The following RAI1 variants were observed in gnomAD, a reference collection of about 807,000 sequenced individuals.
RAI1 encodes the protein retinoic acid induced 1, also known as retinoic acid-induced protein 1.
In RAI1, 9 loss-of-function variants were observed where a neutral mutation model predicts 123.8. The observed-to-expected ratio is 0.07, with a 90% CI of 0.04 to 0.13. RAI1 has a LOEUF of 0.13. Ranked by LOEUF, RAI1 falls within the 10% of genes least tolerant of loss-of-function variation. The pLI is 1.00. For synonymous variants in RAI1, 1,231 were observed against 1,127.3 expected (o/e 1.09, Z -1.84); for missense variants, 2,256 against 2,545.8 (o/e 0.89, Z 2.45).
chr17:17,783,925 C>T (rs1210064144), intron 2 of RAI1, among the ~76,000 whole-genome samples: 2 of 152,178 alleles, frequency 1.3e-5, no homozygotes, highest in South Asian at 2.1e-4. Context: ...CCCGCTTTCA[C>T]GTTGAGCAGA....
intron 2 of RAI1, among the ~76,000 whole-genome samples, chr17:17,749,113 GA>G (rs1163935758): frequency 6.6e-6 from 1 of 152,234 alleles, no homozygotes; most frequent in African/African-American, 2.4e-5. Flanking sequence ...CGTCCAGAAA[GA>G]GGCTGAATGG....
chr17:17,809,938 G>A lies in RAI1; in HGVS notation c.5710-32G>A, dbSNP rs1471579377. On this transcript the variant is annotated intron_variant, in intron 5 of 5. Coordinates refer to ENST00000353383, the MANE Select transcript of RAI1 (RefSeq NM_030665.4). This position sits in a 1 kb window ranked among gnomAD's most constrained non-coding sequence, Gnocchi z 4.9. The stretch of plus-strand genomic sequence containing the variant: ...CCTATGGACTGTGAAGTCCGAGGTC[G>A]TCGGTAACTGGCGGGCGGGCGTCTT... 6.4e-7 allele frequency: 1 copy of A among 1,560,126 alleles called. No individual in the cohort carries two copies. The highest frequency in any genetic ancestry group is 1.9e-5 in the Admixed American group (1 of 52,302).
chr17:17,767,575 T>C (rs2030987133), intron 2 of RAI1, among the ~76,000 whole-genome samples: 1 of 152,228 alleles, frequency 6.6e-6, no homozygotes, highest in Non-Finnish European at 1.5e-5. Flanking sequence ...GCCTTTTCCA[T>C]TGTGCTTCAG....
chr17:17,724,672 C>T (rs551055213), intron 2 of RAI1, among the ~76,000 whole-genome samples: 28 of 152,270 alleles, frequency 1.8e-4, no homozygotes, highest in African/African-American at 6.0e-4. Context: ...GATCCTGCTC[C>T]GGGCAACCGA....
Position 17,809,092 on chromosome 17 carries a change from AG to A in RAI1, c.5660-295del. ...TGGCTGGCAGAGTAAGGCGGGAGGGAGGGAGGGACTGAGGGACTGCCTCAAG... is the reference window on the plus strand; with the variant it reads ...TGGCTGGCAGAGTAAGGCGGGAGGGAGGAGGGACTGAGGGACTGCCTCAAG... On this transcript the variant is annotated intron_variant, in intron 4 of 5. Transcript: ENST00000353383. This position sits in a 1 kb window ranked among gnomAD's most constrained non-coding sequence, Gnocchi z 4.9. 1 of 473,188 alleles carries A rather than the reference AG, an allele frequency of 2.1e-6. No homozygotes were observed. The highest frequency in any genetic ancestry group is 3.9e-6 in the Non-Finnish European group (1 of 259,084). 29.3% of individuals were successfully genotyped at this position (473,188 alleles called of 1,614,324 possible).
intron 1 of RAI1, among the ~76,000 whole-genome samples, chr17:17,719,769 C>T (rs1915817591): frequency 6.6e-6 from 1 of 152,278 alleles, no homozygotes; most frequent in East Asian, 1.9e-4. Flanking sequence ...CTTTTGCCAC[C>T]TTCAAGTTAC....
chr17:17,810,853 C>A lies in RAI1; in HGVS notation c.*872C>A, dbSNP rs897990782. The A allele has an allele frequency of 1.8e-5, 8 of 450,162 alleles. No homozygotes were observed. The highest frequency in any genetic ancestry group is 3.6e-5 in the Non-Finnish European group (8 of 222,118). The allele number at this position is 450,162 out of a possible 1,614,324, so 27.9% of individuals were successfully genotyped here. A position where few individuals can be genotyped will look rare whatever the true frequency, so the allele number is the denominator to read the frequency against. ...GCACCACCAGGGACCGCCGCGCCTA[C>A]TCTGCACGGGAGCAGGGACAGCGCT... On this transcript the variant is annotated 3_prime_UTR_variant, in exon 6 of 6. Coordinates refer to ENST00000353383, the MANE Select transcript of RAI1 (RefSeq NM_030665.4). This position sits in a 1 kb window ranked among gnomAD's most constrained non-coding sequence, Gnocchi z 4.6.
rs765687947 is a variant in RAI1 at position 17,795,950 on chromosome 17, G to A, written c.3002G>A (p.Arg1001His). Residue 1001 changes from arginine to histidine, a missense_variant, in exon 3 of 6, where the codon CGT becomes CAT. Physicochemically the swap from Arg to His is conservative, Grantham distance 29 (BLOSUM62 0). Coordinates refer to ENST00000353383, the MANE Select transcript of RAI1 (RefSeq NM_030665.4). This position sits in a 1 kb window ranked among gnomAD's most constrained non-coding sequence, Gnocchi z 5.9. ...PVPRGKSLRS[R>H]RVHRGLPEAE... ...CCACGGGGCAAAAGCTTACGGAGCC[G>A]TCGGGTGCACCGGGGGCTGCCCGAG... 14 of 1,605,874 alleles carry A rather than the reference G, an allele frequency of 8.7e-6. 1 individual carries two copies. Among genetic ancestry groups the A allele is most frequent in the South Asian group, 4.4e-5 (4 of 90,616 alleles).
At chr17:17,716,148 C>A (rs1267412887) in intron 1 of RAI1, among the ~76,000 whole-genome samples, 1 of 152,192 alleles carries the variant, frequency 6.6e-6, no homozygotes, top group Non-Finnish European at 1.5e-5. Flanking sequence ...AGGAGAAGGC[C>A]TGGAAGGAGC....
intron 2 of RAI1, among the ~76,000 whole-genome samples, chr17:17,768,767 A>G (rs2142994523): frequency 6.6e-6 from 1 of 152,326 alleles, no homozygotes; most frequent in South Asian, 2.1e-4. Flanking sequence ...CTTGGAGTGC[A>G]TGGGAGGGGG....
At chr17:17,766,780 A>G (rs2030950729) in intron 2 of RAI1, among the ~76,000 whole-genome samples, 1 of 152,238 alleles carries the variant, frequency 6.6e-6, no homozygotes, top group Non-Finnish European at 1.5e-5. Flanking sequence ...TGCTCCAGGC[A>G]GCAGACAGCA....
chr17:17,738,381 G>A (rs984614168), intron 2 of RAI1, among the ~76,000 whole-genome samples: 3 of 148,858 alleles, frequency 2.0e-5, no homozygotes, highest in Non-Finnish European at 3.0e-5. Flanking sequence ...TGGGTGAGGC[G>A]GCTGGCCTGG....
rs1567932585 is a variant in RAI1 at position 17,800,196 on chromosome 17, C to CTG, written c.5565+1684_5565+1685insGT. ...TCTCTCTCTGTCTCTCTCTCTCTCT[C>CTG]TCTCTCTCTCTCTCTCTCTCTCTCT... On this transcript the variant is annotated intron_variant, in intron 3 of 5. Coordinates refer to ENST00000353383, the MANE Select transcript of RAI1 (RefSeq NM_030665.4). The surrounding 1 kb of genome is among the most constrained non-coding windows in gnomAD (Gnocchi z 4.7). 5.1e-4 allele frequency among the ~76,000 whole-genome samples: 66 copies of CTG among 129,342 alleles called. 1 individual carries two copies. Among genetic ancestry groups the CTG allele is most frequent in the African/African-American group, 1.4e-3 (45 of 32,438 alleles). The allele number at this position is 129,342 out of a possible 152,430, so 84.9% of individuals were successfully genotyped here.
intron 2 of RAI1, among the ~76,000 whole-genome samples, chr17:17,733,815 C>T (rs1301252717): frequency 1.3e-5 from 2 of 152,132 alleles, no homozygotes; most frequent in African/African-American, 4.8e-5. Flanking sequence ...AAAAGGGTCC[C>T]AGGAGAGCCA....
At chr17:17,682,761 T>C (rs978692237) in intron 1 of RAI1, among the ~76,000 whole-genome samples, 1 of 152,132 alleles carries the variant, frequency 6.6e-6, no homozygotes, top group Non-Finnish European at 1.5e-5. Flanking sequence ...AGCAGTTTTC[T>C]TTCTTGGGGC....
chr17:17,810,146 C>T lies in RAI1; in HGVS notation c.*165C>T, dbSNP rs2032702942. 1 of 1,015,718 alleles carries T rather than the reference C, an allele frequency of 9.8e-7. No homozygotes were observed. Among genetic ancestry groups the T allele is most frequent in the Non-Finnish European group, 1.4e-6 (1 of 723,096 alleles). 62.9% of individuals were successfully genotyped at this position (1,015,718 alleles called of 1,614,324 possible). ...GGATCGTGGATCCGGCCGCCTAGGG[C>T]TCAGACTTGCGGCCCCGGGTTGGGA... On this transcript the variant is annotated 3_prime_UTR_variant, in exon 6 of 6. Coordinates refer to ENST00000353383, the MANE Select transcript of RAI1 (RefSeq NM_030665.4). The surrounding 1 kb of genome is among the most constrained non-coding windows in gnomAD (Gnocchi z 4.6).
At chr17:17,705,827 C>T (rs1598023804) in intron 1 of RAI1, among the ~76,000 whole-genome samples, 1 of 151,990 alleles carries the variant, frequency 6.6e-6, no homozygotes, top group Admixed American at 6.6e-5. Context: ...AGATGGAGAC[C>T]ATCCTGGCCA....
chr17:17,798,450 C>T lies in RAI1; in HGVS notation c.5502C>T (p.Gly1834=), dbSNP rs908310309. Residue 1834 remains glycine, a synonymous_variant, in exon 3 of 6, where the codon GGC becomes GGT. Coordinates refer to ENST00000353383, the MANE Select transcript of RAI1 (RefSeq NM_030665.4). ...VHEACAVWTG[G]VYLVAGKLFG... ...AGGCCTGTGCCGTGTGGACCGGCGG[C>T]GTCTACCTGGTGGCCGGGAAGCTCT... 10 of 1,608,440 alleles carry T rather than the reference C, an allele frequency of 6.2e-6. No homozygotes were observed. Among genetic ancestry groups the T allele is most frequent in the East Asian group, 2.2e-5 (1 of 44,866 alleles).
chr17:17,768,798 G>A (rs1395934844), intron 2 of RAI1, among the ~76,000 whole-genome samples: 1 of 152,256 alleles, frequency 6.6e-6, no homozygotes, highest in Non-Finnish European at 1.5e-5. Context: ...GACCCAAGGT[G>A]GCGGCTGCGG....
Sources: gnomAD v4.1 joint callset for allele counts (sites outside exome capture counted in the v4.1 genomes callset) on GRCh38, gnomAD v4.1.1 for gene constraint, Gnocchi (gnomAD v3.1) non-coding constraint, MANE v1.5 for transcripts, NCBI Gene and HGNC (gene_info 2026-07-23, HGNC 2026-07-21) for gene names.